KIAA1614: variants seen among roughly 807,000 people sequenced by gnomAD.
KIAA1614 encodes uncharacterized protein KIAA1614.
A neutral mutation model predicts 88.7 loss-of-function variants in KIAA1614; 76 were observed. That is an observed-to-expected ratio of 0.86 (90% confidence interval 0.71 to 1.04). The LOEUF is 1.04. Ranked by LOEUF, KIAA1614 falls within the 50% of genes least tolerant of loss-of-function variation. KIAA1614 has a pLI of 0.00. For missense variants in KIAA1614, 1,553 were observed against 1,582.5 expected (o/e 0.98, Z 0.32); for synonymous variants, 714 against 675.5 (o/e 1.06, Z -0.88).
rs761376369 is a variant in KIAA1614, at chr1:180,916,411, C to G, written c.308C>G (p.Pro103Arg). 1.2e-6 allele frequency: 2 copies of G among 1,614,182 alleles called. No homozygotes were observed. Among genetic ancestry groups the G allele is most frequent in the East Asian group, 4.5e-5 (2 of 44,886 alleles). ...KMTVAKQGVS[P>R]CSASQEWSSP... ...ACAGTGGCCAAACAGGGAGTGAGTC[C>G]CTGCTCTGCTTCCCAAGAGTGGTCA... is the stretch of plus-strand genomic sequence containing the variant. The change falls in exon 2 of 9, where the codon CCC (proline) becomes CGC (arginine). Residue 103 changes from proline to arginine, a missense_variant. Transcript: ENST00000367588.
At position 180,941,128 on chromosome 1, in the gene KIAA1614, C is replaced by T; in HGVS notation, c.3002C>T (p.Ala1001Val). ...DQNKKRSSSIASTLGLKKLFS... is the reference protein window; with the variant it reads ...DQNKKRSSSIVSTLGLKKLFS... ...AACAAGAAAAGGAGCAGCAGCATAG[C>T]CTCCACCCTGGGGCTGAAAAAGCTC... Residue 1001 changes from alanine (A) to valine (V), a missense_variant, in exon 7 of 9, where the codon GCC becomes GTC. Ala to Val is a moderately conservative substitution (Grantham distance 64). Coordinates refer to ENST00000367588, the MANE Select transcript of KIAA1614 (RefSeq NM_020950.2). 1 of 1,613,366 alleles carries T rather than the reference C, an allele frequency of 6.2e-7. No homozygotes were observed. The highest frequency in any genetic ancestry group is 8.5e-7 in the Non-Finnish European group (1 of 1,179,886).
intron 3 of KIAA1614, among the ~76,000 whole-genome samples, chr1:180,921,626 T>C (rs771332704): frequency 6.6e-6 from 1 of 151,912 alleles, no homozygotes; most frequent in Non-Finnish European, 1.5e-5. Flanking sequence ...GATCTGGGGG[T>C]CTCCTTCCCC....
chr1:180,937,059 C>A (rs959125531), intron 5 of KIAA1614, among the ~76,000 whole-genome samples: 1 of 152,240 alleles, frequency 6.6e-6, no homozygotes, highest in African/African-American at 2.4e-5. Context: ...GAAGAGGCAA[C>A]AGCTCCAGGA....
chr1:180,916,713 G>T lies in KIAA1614; in HGVS notation c.610G>T (p.Gly204Trp). The part of the protein sequence containing the change: ...LPDHDRGPLL[G>W]PSSLQQSPIH... ...TGACCATGACAGAGGTCCGCTGCTGGGGCCCAGCTCTTTGCAACAGAGCCC... is the reference window on the plus strand; with the variant it reads ...TGACCATGACAGAGGTCCGCTGCTGTGGCCCAGCTCTTTGCAACAGAGCCC... The change falls in exon 2 of 9, where the codon GGG (glycine) becomes TGG (tryptophan). Residue 204 changes from glycine (G) to tryptophan (W), a missense_variant. Coordinates refer to ENST00000367588, the MANE Select transcript of KIAA1614 (RefSeq NM_020950.2). 1 of 1,613,136 alleles carries T rather than the reference G, an allele frequency of 6.2e-7. No individual in the cohort carries two copies. The highest frequency in any genetic ancestry group is 2.2e-5 in the East Asian group (1 of 44,856).
chr1:180,951,118 T>C lies in KIAA1614; in HGVS notation c.*5530T>C, dbSNP rs1654718474. 1 of 152,224 alleles carries C rather than the reference T, an allele frequency of 6.6e-6. No individual in the cohort carries two copies. The allele number at this position is 152,224 out of a possible 1,614,324, so 9.4% of individuals were successfully genotyped here. On this transcript the variant is annotated 3_prime_UTR_variant, in exon 9 of 9. Transcript: ENST00000367588. ...TGGTCTGGCAGGAGTTTTATGCCCC[T>C]TCGGGGTGTGGGAATTCTGGGAGAT...
intron 2 of KIAA1614, 82 bp downstream of exon 2, chr1:180,917,182 C>G: frequency 9.2e-7 from 1 of 1,083,644 alleles, no homozygotes; most frequent in South Asian, 1.5e-5. Flanking sequence ...GGGGGTCCCA[C>G]AGAGGGAGTG....
Position 180,935,280 on chromosome 1 carries a change from C to A in KIAA1614, c.1371C>A (p.Ala457=), listed in dbSNP as rs1478631136. 6 of 1,505,838 alleles carry A rather than the reference C, an allele frequency of 4.0e-6. No individual in the cohort carries two copies. The highest frequency in any genetic ancestry group is 4.4e-6 in the Non-Finnish European group (5 of 1,131,036). The allele number at this position is 1,505,838 out of a possible 1,614,324, so 93.3% of individuals were successfully genotyped here. Reference sequence around the variant, plus strand: ...ACGTGCGCTTTGAGGATGAGTCCGCCCGCGAAGCCGAGTTCCGTCACCTGG... The same window carrying A: ...ACGTGCGCTTTGAGGATGAGTCCGCACGCGAAGCCGAGTTCCGTCACCTGG... ...PSHVRFEDES[A]REAEFRHLER... The change falls in exon 5 of 9, where the codon GCC becomes GCA. Residue 457 remains alanine (A), a synonymous_variant. Coordinates refer to ENST00000367588, the MANE Select transcript of KIAA1614 (RefSeq NM_020950.2). This position sits in a 1 kb window ranked among gnomAD's most constrained non-coding sequence, Gnocchi z 6.1.
In KIAA1614 at chr1:180,941,120, C is replaced by T; in HGVS notation, c.2994C>T (p.Ser998=). The change falls in exon 7 of 9, where the codon AGC becomes AGT. Residue 998 remains serine, a synonymous_variant. Transcript: ENST00000367588. ...TGGACCAGAACAAGAAAAGGAGCAG[C>T]AGCATAGCCTCCACCCTGGGGCTGA... ...APLDQNKKRS[S]SIASTLGLKK... 6.2e-7 allele frequency: 1 copy of T among 1,613,292 alleles called. No individual in the cohort carries two copies. The highest frequency in any genetic ancestry group is 8.5e-7 in the Non-Finnish European group (1 of 1,179,866).
chr1:180,949,132 A>G lies in KIAA1614; in HGVS notation c.*3544A>G, dbSNP rs2102280972. ...CCCTGCTAAGAACCTGATTCGAGGA[A>G]AAGGAAGTGAAGACAGTAACGCGTG... On this transcript the variant is annotated 3_prime_UTR_variant, in exon 9 of 9. Transcript: ENST00000367588. 1 of 152,438 alleles carries G rather than the reference A, an allele frequency of 6.6e-6. No individual in the cohort carries two copies. Among genetic ancestry groups the G allele is most frequent in the African/African-American group, 2.4e-5 (1 of 41,588 alleles). 9.4% of individuals were successfully genotyped at this position (152,438 alleles called of 1,614,324 possible). A position where few individuals can be genotyped will look rare whatever the true frequency, so the allele number is the denominator to read the frequency against.
rs965069378 is a variant in KIAA1614 at position 180,946,269 on chromosome 1, G to C, written c.*681G>C. 6.6e-6 allele frequency: 1 copy of C among 152,238 alleles called. No individual in the cohort carries two copies. Among genetic ancestry groups the C allele is most frequent in the Admixed American group, 6.5e-5 (1 of 15,282 alleles). 9.4% of individuals were successfully genotyped at this position (152,238 alleles called of 1,614,324 possible). On this transcript the variant is annotated 3_prime_UTR_variant, in exon 9 of 9. Coordinates refer to ENST00000367588, the MANE Select transcript of KIAA1614 (RefSeq NM_020950.2). ...GGCTGTGGAGTATGTCTGGGCACGT[G>C]GAGCATGCCTGTCTGTCTCTGCATC...
chr1:180,934,422 A>G (rs7530232), intron 4 of KIAA1614, among the ~76,000 whole-genome samples: 44,742 of 151,526 alleles, frequency 0.3, 7,390 homozygotes, highest in African/African-American at 0.44. Flanking sequence ...GACCTCATCT[A>G]TACAAAAAAT....
chr1:180,927,989 C>G (rs564735650), intron 3 of KIAA1614, among the ~76,000 whole-genome samples: 1 of 152,156 alleles, frequency 6.6e-6, no homozygotes, highest in Non-Finnish European at 1.5e-5. Context: ...TGCAGAGAGA[C>G]AGAAGGAGAG....
At position 180,949,887 on chromosome 1, in the gene KIAA1614, ACG is replaced by A. The variant is rs1654691699; in HGVS notation, c.*4301_*4302del. The A allele has an allele frequency of 6.6e-6, 1 of 152,136 alleles. No individual in the cohort carries two copies. The highest frequency in any genetic ancestry group is 2.4e-5 in the African/African-American group (1 of 41,398). 9.4% of individuals were successfully genotyped at this position (152,136 alleles called of 1,614,324 possible). On this transcript the variant is annotated 3_prime_UTR_variant, in exon 9 of 9. Coordinates refer to ENST00000367588, the MANE Select transcript of KIAA1614 (RefSeq NM_020950.2). The stretch of plus-strand genomic sequence containing the variant: ...ATACCTTCCCACCACCCCGGCCTTT[ACG>A]CTGGGCCTGGGTGACCTGAGGCAGC...
chr1:180,941,109 A>G lies in KIAA1614; in HGVS notation c.2983A>G (p.Lys995Glu), dbSNP rs2102274737. 6.2e-7 allele frequency: 1 copy of G among 1,613,124 alleles called. No homozygotes were observed. Among genetic ancestry groups the G allele is most frequent in the South Asian group, 1.1e-5 (1 of 91,060 alleles). Residue 995 changes from lysine to glutamate, a missense_variant, in exon 7 of 9, where the codon AAA (lysine) becomes GAA (glutamate). Physicochemically the swap from Lys to Glu is moderately conservative, Grantham distance 56 (BLOSUM62 1). Coordinates refer to ENST00000367588, the MANE Select transcript of KIAA1614 (RefSeq NM_020950.2). ...PSAAPLDQNK[K>E]RSSSIASTLG... ...GGCTGCCCCTTTGGACCAGAACAAG[A>G]AAAGGAGCAGCAGCATAGCCTCCAC... is the stretch of plus-strand genomic sequence containing the variant.
chr1:180,941,016 G>GC (rs1376847739), intron 6 of KIAA1614, 29 bp from the exon 7 acceptor site: 5 of 121,916 alleles, frequency 4.1e-5, no homozygotes, highest in South Asian at 1.1e-4. Context: ...GCCCTCCCCC[G>GC]CCCCCTCACC....
In KIAA1614 at chr1:180,935,435, A is replaced by T; in HGVS notation, c.1526A>T (p.Gln509Leu). Residue 509 changes from glutamine (Q) to leucine (L), a missense_variant, in exon 5 of 9, where the codon CAG becomes CTG. Coordinates refer to ENST00000367588, the MANE Select transcript of KIAA1614 (RefSeq NM_020950.2). The surrounding 1 kb of genome is among the most constrained non-coding windows in gnomAD (Gnocchi z 6.1). The stretch of plus-strand genomic sequence containing the variant: ...GCTCCCCGGCTCCGGGACGCGGGGC[A>T]GGGGACATTCCACAGGCTTGTGGGC... ...NGAPRLRDAG[Q>L]GTFHRLVGSL... 6.8e-7 allele frequency: 1 copy of T among 1,478,800 alleles called. No individual in the cohort carries two copies. 91.6% of individuals were successfully genotyped at this position (1,478,800 alleles called of 1,614,324 possible).
chr1:180,924,380 GGCAGCCCAAA>G (rs953287496), intron 3 of KIAA1614, among the ~76,000 whole-genome samples: 4 of 152,190 alleles, frequency 2.6e-5, no homozygotes, highest in African/African-American at 9.7e-5. Context: ...TCACCAAAGG[GGCAGCCCAAA>G]GCCTCCTTCT....
intron 3 of KIAA1614, among the ~76,000 whole-genome samples, chr1:180,921,035 G>A (rs1053900601): frequency 5.3e-5 from 8 of 152,090 alleles, no homozygotes; most frequent in East Asian, 1.9e-4. Context: ...ACGCACGTCC[G>A]TGTGAAAAGA....
chr1:180,934,267 AAAAGAAAAG>A (rs1267677868), intron 4 of KIAA1614, among the ~76,000 whole-genome samples: 8 of 113,778 alleles, frequency 7.0e-5, no homozygotes, highest in African/African-American at 2.4e-4. Context: ...AAAAAAAAAA[AAAAGAAAAG>A]AAAAGAAAAG....
Sources: gnomAD v4.1 joint callset for allele counts (sites outside exome capture counted in the v4.1 genomes callset) on GRCh38, gnomAD v4.1.1 for gene constraint, Gnocchi (gnomAD v3.1) non-coding constraint, MANE v1.5 for transcripts, NCBI Gene and HGNC (gene_info 2026-07-23, HGNC 2026-07-21) for gene names.